AFTPH: variants seen among roughly 807,000 people sequenced by gnomAD.
AFTPH encodes aftiphilin, also known as aftiphilin protein.
AFTPH carries 7 observed loss-of-function variants against 72.5 expected under a neutral mutation model. The ratio of observed to expected loss-of-function variants is 0.10; its 90% CI spans 0.05 to 0.18. The LOEUF (loss-of-function observed/expected upper bound fraction) is 0.18. AFTPH is among the 10% of genes least tolerant of loss of function. The pLI is 1.00. For synonymous variants in AFTPH, 337 were observed against 370.1 expected (o/e 0.91, Z 1.03); for missense variants, 979 against 1,060.5 (o/e 0.92, Z 1.07).
intron 1 of AFTPH, among the ~76,000 whole-genome samples, chr2:64,531,962 A>G (rs891564063): frequency 2.0e-4 from 31 of 152,324 alleles, no homozygotes; most frequent in African/African-American, 7.2e-4. Context: ...AAAATTACAT[A>G]TTACATTTAA....
At chr2:64,553,181 T>A in exon 2 of AFTPH, 1 of 1,614,158 alleles carries the variant, frequency 6.2e-7, no homozygotes, top group Non-Finnish European at 8.5e-7. Context: ...CTAGCCAAGT[T>A]GTAGATTGGA....
intron 6 of AFTPH, among the ~76,000 whole-genome samples, chr2:64,573,611 G>C (rs552601165): frequency 6.6e-6 from 1 of 152,126 alleles, no homozygotes; most frequent in African/African-American, 2.4e-5. Context: ...TATTTAACTC[G>C]AAAATGATGT....
At chr2:64,572,393 A>T (rs1249839883) in intron 5 of AFTPH, among the ~76,000 whole-genome samples, 1 of 152,272 alleles carries the variant, frequency 6.6e-6, no homozygotes. Flanking sequence ...AAGGATATAG[A>T]TGTCATATTA....
chr2:64,558,384 A>C (rs1237672894), intron 2 of AFTPH, among the ~76,000 whole-genome samples: 1 of 152,218 alleles, frequency 6.6e-6, no homozygotes, highest in Non-Finnish European at 1.5e-5. Context: ...TTAAGTTTCT[A>C]TGGCATCTTT....
chr2:64,547,517 C>G lies in AFTPH; in HGVS notation c.-32-3926C>G, dbSNP rs553797583. 3.2e-4 allele frequency among the ~76,000 whole-genome samples: 48 copies of G among 152,312 alleles called. 2 individuals are homozygous for G. The South Asian group carries it at 9.7e-3, about 31-fold the overall frequency. On this transcript the variant is annotated intron_variant, in intron 1 of 8. Coordinates refer to ENST00000238856, the Ensembl canonical transcript of AFTPH. ...TCAGGCTTCACACTGTAAACTTATA[C>G]TTTTTCCCTTTGTAATTAAGTATAT...
At position 64,584,721 on chromosome 2, in the gene AFTPH, T is replaced by C. The variant is rs550047275; in HGVS notation, c.2456-701T>C. ...ATGCCATTCTCCTGCCCCAGCCTCC[T>C]GAGTAGCTGGGACTACAGGCGCCCA... On this transcript the variant is annotated intron_variant, in intron 7 of 8. Transcript: ENST00000238856. Among the ~76,000 whole-genome samples the C allele has an allele frequency of 6.7e-3, 1,013 of 150,904 alleles. 13 individuals are homozygous for C. Among genetic ancestry groups the C allele is most frequent in the African/African-American group, 0.023 (928 of 40,968 alleles).
intron 1 of AFTPH, among the ~76,000 whole-genome samples, chr2:64,537,520 C>T (rs1216786512): frequency 2.0e-5 from 3 of 152,250 alleles, no homozygotes; most frequent in Non-Finnish European, 2.9e-5. Flanking sequence ...ATATATACTC[C>T]TACCAATAGT....
exon 2 of AFTPH, chr2:64,553,299 G>T: frequency 6.2e-7 from 1 of 1,614,120 alleles, no homozygotes; most frequent in South Asian, 1.1e-5. Flanking sequence ...ACATAGGACA[G>T]ATGAAAATAT....
At chr2:64,552,076 A>T (rs749529512) in exon 2 of AFTPH, 4 of 1,614,062 alleles carry the variant, frequency 2.5e-6, no homozygotes, top group Non-Finnish European at 3.4e-6. Flanking sequence ...GATGATCTGG[A>T]CAATGTAGCT....
At chr2:64,555,555 T>A (rs1671299666) in intron 2 of AFTPH, among the ~76,000 whole-genome samples, 1 of 140,768 alleles carries the variant, frequency 7.1e-6, no homozygotes. Flanking sequence ...AGAGAGACTG[T>A]CACACACACA....
chr2:64,587,220 A>G (rs1313093669), intron 8 of AFTPH, among the ~76,000 whole-genome samples: 2 of 152,228 alleles, frequency 1.3e-5, no homozygotes, highest in Non-Finnish European at 2.9e-5. Flanking sequence ...GAATGAACTA[A>G]TAATGTATCC....
At chr2:64,559,049 C>T (rs1021062243) in intron 2 of AFTPH, among the ~76,000 whole-genome samples, 2 of 152,194 alleles carry the variant, frequency 1.3e-5, no homozygotes, top group East Asian at 3.8e-4. Context: ...TTGTTTTTCT[C>T]ATCAACATTA....
intron 2 of AFTPH, among the ~76,000 whole-genome samples, chr2:64,557,980 C>T (rs1423298685): frequency 6.6e-6 from 1 of 150,740 alleles, no homozygotes; most frequent in Non-Finnish European, 1.5e-5. Flanking sequence ...GCTGGTCACT[C>T]TTTATACAGC....
At chr2:64,569,717 C>T (rs757438623) in intron 5 of AFTPH, 38 bp downstream of exon 5, 9 of 1,552,534 alleles carry the variant, frequency 5.8e-6, no homozygotes, top group Non-Finnish European at 8.0e-6. Flanking sequence ...TTTATCATTA[C>T]TGCATCTATT....
Position 64,586,369 on chromosome 2 carries a change from A to T in AFTPH, c.2579+824A>T, listed in dbSNP as rs75895336. On this transcript the variant is annotated intron_variant, in intron 8 of 8. Transcript: ENST00000238856. ...AGTTGCCTACTTTAAAAGAAGTGTT[A>T]TAGCTCTTTCTCCTGAATAAATACA... is the stretch of plus-strand genomic sequence containing the variant. Among the ~76,000 whole-genome samples, 49 of 152,356 alleles carry T rather than the reference A, an allele frequency of 3.2e-4. 1 individual carries two copies. In the East Asian group the frequency reaches 8.9e-3, roughly 28 times the overall value.
chr2:64,563,770 T>TAA (rs1407497762), intron 2 of AFTPH, among the ~76,000 whole-genome samples: 1 of 152,192 alleles, frequency 6.6e-6, no homozygotes, highest in Non-Finnish European at 1.5e-5. Flanking sequence ...CACGCCCAGC[T>TAA]AATTTTTTTG....
chr2:64,551,515 C>G, exon 2 of AFTPH: 1 of 1,613,976 alleles, frequency 6.2e-7, no homozygotes, highest in South Asian at 1.1e-5. Context: ...TCATCCCCAC[C>G]ACCATTAGAC....
In AFTPH at chr2:64,555,989, C is replaced by CTTTTTTTTTTTTTTTTT. The variant is rs774669104; in HGVS notation, c.1935+2595_1935+2596insTTTTTTTTTTTTTTTTT. Among the ~76,000 whole-genome samples the CTTTTTTTTTTTTTTTTT allele has an allele frequency of 6.5e-3, 871 of 133,760 alleles. 69 individuals are homozygous for CTTTTTTTTTTTTTTTTT. The highest frequency in any genetic ancestry group is 0.026 in the East Asian group (107 of 4,182). 87.8% of individuals were successfully genotyped at this position (133,760 alleles called of 152,430 possible). Reference sequence around the variant, plus strand: ...TGTTTGGAACAGCACGAATTCCTCACTTTTTTTTTTTTTTTGGAGACAGAA... The same window carrying CTTTTTTTTTTTTTTTTT: ...TGTTTGGAACAGCACGAATTCCTCACTTTTTTTTTTTTTTTTTTTTTTTTTTTTTTTTGGAGACAGAA... On this transcript the variant is annotated intron_variant, in intron 2 of 8. Coordinates refer to ENST00000238856, the Ensembl canonical transcript of AFTPH.
At chr2:64,560,663 A>G (rs1671669451) in intron 2 of AFTPH, among the ~76,000 whole-genome samples, 1 of 152,288 alleles carries the variant, frequency 6.6e-6, no homozygotes, top group Admixed American at 6.5e-5. Context: ...ACTTGAGGTC[A>G]GGAGTTTGAG....
Sources: allele counts gnomAD v4.1 joint callset (sites outside exome capture counted in the v4.1 genomes callset), GRCh38; gene constraint gnomAD v4.1.1; transcripts MANE v1.5; gene names NCBI Gene and HGNC (gene_info 2026-07-23, HGNC 2026-07-21).